The following PRKCA variants were observed in gnomAD, a reference collection of about 807,000 sequenced individuals.
PRKCA encodes protein kinase C alpha type.
In PRKCA, 27 loss-of-function variants were observed where a neutral mutation model predicts 87.0. The observed-to-expected ratio is 0.31, with a 90% CI of 0.23 to 0.43. The LOEUF (loss-of-function observed/expected upper bound fraction) is 0.43. Among genes scored for constraint, PRKCA ranks in the 20% least tolerant of loss-of-function variants. PRKCA has a pLI of 1.00. For missense variants in PRKCA, 518 were observed against 852.3 expected (o/e 0.61, Z 4.88); for synonymous variants, 329 against 311.1 (o/e 1.06, Z -0.61).
At chr17:66,330,396 C>T (rs548374249) in intron 2 of PRKCA, among the ~76,000 whole-genome samples, 9 of 152,252 alleles carry the variant, frequency 5.9e-5, no homozygotes, top group Non-Finnish European at 1.0e-4. Context: ...CGTGAGCCAT[C>T]GCACCTGGCC....
In PRKCA at chr17:66,765,435, T is replaced by TATAG. The variant is rs1974784444; in HGVS notation, c.1525-8549_1525-8548insGATA. 2.2e-5 allele frequency among the ~76,000 whole-genome samples: 3 copies of TATAG among 133,696 alleles called. No individual in the cohort carries two copies. In the East Asian group the frequency reaches 6.3e-4, roughly 28 times the overall value. The allele number at this position is 133,696 out of a possible 152,430, so 87.7% of individuals were successfully genotyped here. On this transcript the variant is annotated intron_variant, in intron 13 of 16. Coordinates refer to ENST00000413366, the MANE Select transcript of PRKCA (RefSeq NM_002737.3). Reference sequence around the variant, plus strand: ...GACTTTGTCTATATATATATATATATATATATATATATATATATATCCATA... The same window carrying TATAG: ...GACTTTGTCTATATATATATATATATATAGATATATATATATATATATATCCATA...
chr17:66,658,449 T>C (rs1971796797), intron 5 of PRKCA, among the ~76,000 whole-genome samples: 1 of 152,052 alleles, frequency 6.6e-6, no homozygotes, highest in Admixed American at 6.6e-5. Flanking sequence ...ATGGCGCCAT[T>C]GCACTCCAGC....
intron 8 of PRKCA, among the ~76,000 whole-genome samples, chr17:66,732,041 C>T (rs1339771207): frequency 6.7e-6 from 1 of 150,220 alleles, no homozygotes; most frequent in Non-Finnish European, 1.5e-5. Flanking sequence ...CCACCCGCCT[C>T]GGCCTCCCAG....
At chr17:66,677,848 G>A (rs1972379441) in intron 5 of PRKCA, among the ~76,000 whole-genome samples, 2 of 152,156 alleles carry the variant, frequency 1.3e-5, no homozygotes, top group African/African-American at 4.8e-5. Context: ...TAACTCACAG[G>A]TCATAATATT....
At chr17:66,676,185 G>A (rs1307922506) in intron 5 of PRKCA, among the ~76,000 whole-genome samples, 3 of 152,146 alleles carry the variant, frequency 2.0e-5, no homozygotes, top group Admixed American at 2.0e-4. Flanking sequence ...AAGTAGAGAC[G>A]CAAACAAACC....
At chr17:66,638,701 A>C (rs533885670) in intron 3 of PRKCA, among the ~76,000 whole-genome samples, 6 of 152,166 alleles carry the variant, frequency 3.9e-5, no homozygotes, top group Non-Finnish European at 1.5e-5. Context: ...ACCAAAAATT[A>C]GCCAGGCGTG....
At chr17:66,418,379 T>C (rs1912284270) in intron 2 of PRKCA, among the ~76,000 whole-genome samples, 1 of 152,110 alleles carries the variant, frequency 6.6e-6, no homozygotes, top group Admixed American at 6.5e-5. Flanking sequence ...AAAACCAAGA[T>C]TTAAGGTTGT....
intron 3 of PRKCA, among the ~76,000 whole-genome samples, chr17:66,620,333 A>G (rs1183907473): frequency 3.9e-5 from 6 of 152,160 alleles, no homozygotes. Flanking sequence ...CCACAAAGGG[A>G]GTAGGATTGC....
rs1447176449 is a variant in PRKCA, at chr17:66,497,178, C to A, written c.288+895C>A. Among the ~76,000 whole-genome samples the A allele has an allele frequency of 2.8e-4, 43 of 152,120 alleles. 1 individual carries two copies. The highest frequency in any genetic ancestry group is 2.7e-3 in the Admixed American group (42 of 15,276). ...TCTTTGTGGACAATTCTGATGGTCT[C>A]TGTTGCATCTCTTGTGTACTTAAAA... On this transcript the variant is annotated intron_variant, in intron 3 of 16. Transcript: ENST00000413366.
At chr17:66,654,435 A>G (rs1379050106) in intron 5 of PRKCA, among the ~76,000 whole-genome samples, 3 of 152,122 alleles carry the variant, frequency 2.0e-5, no homozygotes, top group African/African-American at 4.8e-5. Flanking sequence ...CAGCAGCAGC[A>G]GCATCATTAC....
chr17:66,463,773 G>T (rs138664436), intron 2 of PRKCA, among the ~76,000 whole-genome samples: 1 of 152,278 alleles, frequency 6.6e-6, no homozygotes, highest in African/African-American at 2.4e-5. Flanking sequence ...AAGATACAGA[G>T]ATTTCCCATG....
intron 3 of PRKCA, among the ~76,000 whole-genome samples, chr17:66,609,046 C>T (rs984222081): frequency 2.0e-5 from 3 of 152,184 alleles, no homozygotes; most frequent in Admixed American, 6.5e-5. Context: ...TCTAGAACTC[C>T]TGTTTCTGCC....
chr17:66,333,583 G>A (rs1906480688), intron 2 of PRKCA, among the ~76,000 whole-genome samples: 2 of 152,214 alleles, frequency 1.3e-5, no homozygotes, highest in South Asian at 4.1e-4. Flanking sequence ...GTTCTGTCAG[G>A]GGAGAGAACC....
chr17:66,564,286 T>A (rs1481650844), intron 3 of PRKCA, among the ~76,000 whole-genome samples: 1 of 152,100 alleles, frequency 6.6e-6, no homozygotes, highest in Non-Finnish European at 1.5e-5. Flanking sequence ...ACCATGTTGG[T>A]CAGGCTGGTC....
chr17:66,439,363 G>A (rs1041791228), intron 2 of PRKCA, among the ~76,000 whole-genome samples: 1 of 151,748 alleles, frequency 6.6e-6, no homozygotes, highest in Non-Finnish European at 1.5e-5. Flanking sequence ...GTATTTTTTA[G>A]TAGAGACAGG....
At chr17:66,591,808 A>G (rs1375016703) in intron 3 of PRKCA, among the ~76,000 whole-genome samples, 1 of 151,196 alleles carries the variant, frequency 6.6e-6, no homozygotes, top group Non-Finnish European at 1.5e-5. Context: ...ACTATGGCCG[A>G]CTCCCATGCA....
chr17:66,732,893 T>C, intron 9 of PRKCA, 68 bp downstream of exon 9: 1 of 1,562,974 alleles, frequency 6.4e-7, no homozygotes, highest in Non-Finnish European at 8.7e-7. Context: ...TTTGTTCTCC[T>C]CGTAGTTTGC....
intron 2 of PRKCA, among the ~76,000 whole-genome samples, chr17:66,437,132 C>A (rs896676645): frequency 6.6e-6 from 1 of 152,138 alleles, no homozygotes; most frequent in Admixed American, 6.5e-5. Flanking sequence ...ATTAGAAATA[C>A]AAATGCAGGC....
chr17:66,318,302 C>T (rs1294527290), intron 2 of PRKCA, among the ~76,000 whole-genome samples: 2 of 151,876 alleles, frequency 1.3e-5, no homozygotes, highest in Admixed American at 6.6e-5. Context: ...TGGAAATGAT[C>T]GTTAATTACA....
Sources: allele counts gnomAD v4.1 joint callset (sites outside exome capture counted in the v4.1 genomes callset), GRCh38; gene constraint gnomAD v4.1.1; transcripts MANE v1.5; gene names NCBI Gene and HGNC (gene_info 2026-07-23, HGNC 2026-07-21).